The following TMTC2 variants were observed in gnomAD, a reference collection of about 807,000 sequenced individuals.
TMTC2 encodes the protein transmembrane O-mannosyltransferase targeting cadherins 2.
In TMTC2, 43 loss-of-function variants were observed where a neutral mutation model predicts 82.4. The observed-to-expected ratio is 0.52, with a 90% CI of 0.41 to 0.67. The LOEUF is 0.67. TMTC2 is among the 30% of genes least tolerant of loss of function. The pLI, the probability that TMTC2 is intolerant of heterozygous loss-of-function variation, is 0.00. For synonymous variants in TMTC2, 408 were observed against 381.9 expected (o/e 1.07, Z -0.80); for missense variants, 919 against 1,012.4 (o/e 0.91, Z 1.25).
chr12:82,893,941 A>G (rs531307568), intron 2 of TMTC2, among the ~76,000 whole-genome samples: 1 of 152,310 alleles, frequency 6.6e-6, no homozygotes, highest in East Asian at 1.9e-4. Flanking sequence ...ACTAGTGATG[A>G]CAGAGGAGAT....
At position 82,872,014 on chromosome 12, in the gene TMTC2, C is replaced by G. The variant is rs567528296; in HGVS notation, c.654+14434C>G. ...AAAAAAGTTGAACAACACCCCCCCC[C>G]CCGCCCACACCCCGCAGTTGCCTAG... On this transcript the variant is annotated intron_variant, in intron 2 of 11. Transcript: ENST00000321196. Among the ~76,000 whole-genome samples the G allele has an allele frequency of 2.9e-4, 41 of 141,316 alleles. 2 individuals carry two copies. Among genetic ancestry groups the G allele is most frequent in the Admixed American group, 7.1e-4 (10 of 14,120 alleles). The allele number at this position is 141,316 out of a possible 152,430, so 92.7% of individuals were successfully genotyped here.
rs1209955096 is a variant in TMTC2, at chr12:82,921,182, A to G, written c.1484-9249A>G. Among the ~76,000 whole-genome samples, 3 of 152,132 alleles carry G rather than the reference A, an allele frequency of 2.0e-5. No homozygotes were observed. In the East Asian group the frequency reaches 5.8e-4, roughly 29 times the overall value. On this transcript the variant is annotated intron_variant, in intron 3 of 11. Transcript: ENST00000321196. ...TAGTCCCTAAATTAAAATTATTAAA[A>G]CATATTAAGTACCATCTTATGATAT...
intron 4 of TMTC2, among the ~76,000 whole-genome samples, chr12:82,957,477 A>C (rs1877677991): frequency 6.6e-6 from 1 of 152,168 alleles, no homozygotes; most frequent in South Asian, 2.1e-4. Context: ...AACTAGAAAA[A>C]CATGAGCAAG....
chr12:82,982,141 G>A (rs1030836030), intron 7 of TMTC2, among the ~76,000 whole-genome samples: 6 of 151,716 alleles, frequency 4.0e-5, no homozygotes, highest in Non-Finnish European at 8.9e-5. Context: ...TAAGATGTTA[G>A]TAGGTACTCA....
chr12:83,116,412 C>A (rs554524906), intron 11 of TMTC2, among the ~76,000 whole-genome samples: 1 of 152,322 alleles, frequency 6.6e-6, no homozygotes, highest in East Asian at 1.9e-4. Context: ...GTGCAAGTAT[C>A]TTTTCCATAT....
At chr12:82,817,456 T>A (rs1868809464) in intron 1 of TMTC2, among the ~76,000 whole-genome samples, 1 of 152,150 alleles carries the variant, frequency 6.6e-6, no homozygotes, top group African/African-American at 2.4e-5. Flanking sequence ...TTGACCTATA[T>A]CCTGTAATAA....
chr12:82,711,717 A>C (rs1873627609), intron 1 of TMTC2, among the ~76,000 whole-genome samples: 1 of 152,232 alleles, frequency 6.6e-6, no homozygotes, highest in African/African-American at 2.4e-5. Context: ...GTAAATGTGA[A>C]CAATGCTTCA....
At chr12:82,960,158 C>G (rs1316629274) in intron 4 of TMTC2, among the ~76,000 whole-genome samples, 1 of 151,690 alleles carries the variant, frequency 6.6e-6, no homozygotes, top group Non-Finnish European at 1.5e-5. Flanking sequence ...TTTAAAAAGT[C>G]AAAAAAACAA....
chr12:82,710,978 A>G (rs1008906020), intron 1 of TMTC2, among the ~76,000 whole-genome samples: 1 of 152,216 alleles, frequency 6.6e-6, no homozygotes, highest in African/African-American at 2.4e-5. Context: ...TCATAAACCT[A>G]CTGGACAGAT....
intron 2 of TMTC2, among the ~76,000 whole-genome samples, chr12:82,873,549 T>C (rs1872326733): frequency 6.6e-6 from 1 of 152,146 alleles, no homozygotes; most frequent in Admixed American, 6.6e-5. Flanking sequence ...ACATTAGCAT[T>C]TGATTGCTTT....
chr12:82,901,296 A>ACT (rs1565801180), intron 3 of TMTC2, among the ~76,000 whole-genome samples: 3 of 123,928 alleles, frequency 2.4e-5, no homozygotes, highest in African/African-American at 1.1e-4. Flanking sequence ...ATATATATAT[A>ACT]TATATTTTTT....
chr12:82,996,918 C>T (rs1879645266), intron 8 of TMTC2, among the ~76,000 whole-genome samples: 1 of 152,030 alleles, frequency 6.6e-6, no homozygotes, highest in Non-Finnish European at 1.5e-5. Flanking sequence ...TTACTTGATC[C>T]GAAGCCTATG....
At chr12:82,952,520 GAC>G (rs111453378) in intron 4 of TMTC2, among the ~76,000 whole-genome samples, 118 of 149,258 alleles carry the variant, frequency 7.9e-4, no homozygotes, top group African/African-American at 9.0e-4. Context: ...TACACACACA[GAC>G]ACACACACAC....
intron 10 of TMTC2, among the ~76,000 whole-genome samples, chr12:83,055,461 TTAAAGGAAAA>T (rs544911467): frequency 3.1e-3 from 473 of 152,166 alleles, no homozygotes; most frequent in Admixed American, 4.8e-3. Flanking sequence ...TTGGTTATCA[TTAAAGGAAAA>T]TAAAGGAATT....
chr12:83,009,039 G>T (rs1186069766), intron 8 of TMTC2, among the ~76,000 whole-genome samples: 1 of 152,200 alleles, frequency 6.6e-6, no homozygotes, highest in African/African-American at 2.4e-5. Flanking sequence ...ATGGGCCTGT[G>T]TCTGTGTCCT....
At chr12:83,118,337 T>A (rs1476173860) in intron 11 of TMTC2, among the ~76,000 whole-genome samples, 1 of 152,180 alleles carries the variant, frequency 6.6e-6, no homozygotes, top group Non-Finnish European at 1.5e-5. Context: ...TACATTGAGG[T>A]ATGTCCTTTG....
At chr12:82,706,537 CA>C (rs1180626098) in intron 1 of TMTC2, among the ~76,000 whole-genome samples, 29 of 151,992 alleles carry the variant, frequency 1.9e-4, no homozygotes, top group African/African-American at 7.0e-4. Flanking sequence ...TAAAATCCAA[CA>C]CAGAAAAACA....
chr12:82,899,352 C>T (rs1472792423), intron 3 of TMTC2, among the ~76,000 whole-genome samples: 2 of 151,742 alleles, frequency 1.3e-5, no homozygotes, highest in African/African-American at 4.8e-5. Context: ...TCCTCTTTTC[C>T]CTTCACAGTT....
intron 3 of TMTC2, among the ~76,000 whole-genome samples, chr12:82,900,893 A>AAT (rs1366219969): frequency 7.5e-5 from 8 of 106,838 alleles, no homozygotes; most frequent in African/African-American, 2.6e-4. Context: ...ATATACCTGG[A>AAT]ATATATATAT....
Sources: gnomAD v4.1 joint callset for allele counts (sites outside exome capture counted in the v4.1 genomes callset) on GRCh38, gnomAD v4.1.1 for gene constraint, MANE v1.5 for transcripts, NCBI Gene and HGNC (gene_info 2026-07-23, HGNC 2026-07-21) for gene names.